Variants in TAFA5 observed in about 807,000 individuals in gnomAD.
TAFA5 encodes the protein chemokine-like protein TAFA-5.
In TAFA5, 6 loss-of-function variants were observed where a neutral mutation model predicts 15.3. That is an observed-to-expected ratio of 0.39 (90% CI 0.21 to 0.77). The LOEUF is 0.77. Ranked by LOEUF, TAFA5 falls within the 30% of genes least tolerant of loss-of-function variation. The pLI, the probability that TAFA5 is intolerant of heterozygous loss-of-function variation, is 0.41. For missense variants in TAFA5, 161 were observed against 193.1 expected (o/e 0.83, Z 0.98); for synonymous variants, 103 against 80.7 (o/e 1.28, Z -1.48).
chr22:48,539,045 G>C (rs570080806), intron 1 of TAFA5: 18 of 218,668 alleles, frequency 8.2e-5, no homozygotes, highest in African/African-American at 3.1e-4. Context: ...GAGTTCACAG[G>C]GGGTGGGAGC....
At chr22:48,506,741 T>G (rs1052034100) in intron 1 of TAFA5, among the ~76,000 whole-genome samples, 2 of 152,202 alleles carry the variant, frequency 1.3e-5, no homozygotes, top group African/African-American at 2.4e-5. Context: ...CCACGGCCTT[T>G]CCTTAGCAGT....
chr22:48,724,290 G>A (rs1929654292), intron 3 of TAFA5, among the ~76,000 whole-genome samples: 1 of 152,214 alleles, frequency 6.6e-6, no homozygotes, highest in Non-Finnish European at 1.5e-5. Flanking sequence ...TGTAGTCATG[G>A]CCATGTGGCT....
intron 3 of TAFA5, among the ~76,000 whole-genome samples, chr22:48,748,771 C>T (rs559681113): frequency 6.6e-6 from 1 of 152,236 alleles, no homozygotes; most frequent in East Asian, 1.9e-4. Context: ...TTTGGGGAGG[C>T]CCTGCAGTTG....
chr22:48,569,712 G>T (rs1923519464), intron 1 of TAFA5, among the ~76,000 whole-genome samples: 1 of 152,222 alleles, frequency 6.6e-6, no homozygotes, highest in Non-Finnish European at 1.5e-5. Context: ...AGTGCATGCT[G>T]ACCTGACCCA....
chr22:48,516,490 G>T (rs573025873), intron 1 of TAFA5, among the ~76,000 whole-genome samples: 3 of 152,162 alleles, frequency 2.0e-5, no homozygotes, highest in Non-Finnish European at 1.5e-5. Context: ...ATGGGGGCCC[G>T]CCCCCAACTC....
At chr22:48,504,786 C>T (rs181818488) in intron 1 of TAFA5, among the ~76,000 whole-genome samples, 4 of 152,250 alleles carry the variant, frequency 2.6e-5, no homozygotes, top group East Asian at 1.9e-4. Flanking sequence ...TGGGATGGCT[C>T]GCCGAATCCC....
At chr22:48,589,548 A>G (rs1924484530) in intron 1 of TAFA5, among the ~76,000 whole-genome samples, 1 of 152,096 alleles carries the variant, frequency 6.6e-6, no homozygotes, top group Admixed American at 6.6e-5. Flanking sequence ...GTCCCCAAAG[A>G]CAGAGCCACC....
rs551213820 is a variant in TAFA5, at chr22:48,586,939, A to G, written c.113-59658A>G. 2.4e-3 allele frequency among the ~76,000 whole-genome samples: 365 copies of G among 152,340 alleles called. 2 individuals are homozygous for G. Among genetic ancestry groups the G allele is most frequent in the Non-Finnish European group, 3.5e-3 (236 of 68,028 alleles). On this transcript the variant is annotated intron_variant, in intron 1 of 3. Coordinates refer to ENST00000402357, the MANE Select transcript of TAFA5 (RefSeq NM_001082967.3). Reference sequence around the variant, plus strand: ...TGGGCTGTAGTGTGCGGGGCAGCCAAAAGGCACCCTCCGGGTAATCAAGGC... The same window carrying G: ...TGGGCTGTAGTGTGCGGGGCAGCCAGAAGGCACCCTCCGGGTAATCAAGGC...
chr22:48,540,596 CT>C (rs35003128), intron 1 of TAFA5, among the ~76,000 whole-genome samples: 353 of 144,202 alleles, frequency 2.4e-3, no homozygotes, highest in African/African-American at 6.7e-3. Flanking sequence ...AGGAGTTTGC[CT>C]TTTTTTTTTT....
chr22:48,551,851 C>A (rs1353613590), intron 1 of TAFA5, among the ~76,000 whole-genome samples: 2 of 152,202 alleles, frequency 1.3e-5, no homozygotes, highest in East Asian at 3.9e-4. Context: ...CACCTGCTGC[C>A]CCGCGCTTTC....
intron 2 of TAFA5, among the ~76,000 whole-genome samples, chr22:48,665,751 CTT>C (rs1325867431): frequency 6.6e-6 from 1 of 152,202 alleles, no homozygotes; most frequent in African/African-American, 2.4e-5. Flanking sequence ...AGCTAATTAT[CTT>C]TTATGTCTCA....
chr22:48,643,695 C>T (rs1169723095), intron 1 of TAFA5, among the ~76,000 whole-genome samples: 2 of 152,240 alleles, frequency 1.3e-5, no homozygotes, highest in Non-Finnish European at 2.9e-5. Context: ...AGCAGTACCC[C>T]AGCACTGCTG....
intron 1 of TAFA5, among the ~76,000 whole-genome samples, chr22:48,502,722 A>C (rs999969371): frequency 6.6e-6 from 1 of 151,950 alleles, no homozygotes; most frequent in Non-Finnish European, 1.5e-5. Flanking sequence ...TGGTTTTGCC[A>C]TGTTGGCCGG....
rs114626888 is a variant in TAFA5, at chr22:48,732,748, A to G, written c.391-17091A>G. Among the ~76,000 whole-genome samples the G allele has an allele frequency of 3.9e-3, 596 of 152,340 alleles. 3 individuals are homozygous for G. The highest frequency in any genetic ancestry group is 0.013 in the African/African-American group (552 of 41,582). On this transcript the variant is annotated intron_variant, in intron 3 of 3. Coordinates refer to ENST00000402357, the MANE Select transcript of TAFA5 (RefSeq NM_001082967.3). ...TCTCAAACAGCATCGCATGCTACAG[A>G]GAACTCTTTCATGAAAGGAGAGTCA...
intron 2 of TAFA5, among the ~76,000 whole-genome samples, chr22:48,688,164 G>T (rs765051818): frequency 4.0e-5 from 6 of 151,704 alleles, no homozygotes; most frequent in South Asian, 2.1e-4. Context: ...TTGCACTGGC[G>T]CACCCTTCAT....
At chr22:48,631,050 G>C (rs531894691) in intron 1 of TAFA5, among the ~76,000 whole-genome samples, 12 of 152,286 alleles carry the variant, frequency 7.9e-5, no homozygotes, top group African/African-American at 2.9e-4. Context: ...CGTTCTGGAG[G>C]GGGTGTGGCT....
At chr22:48,675,371 G>A (rs1927940137) in intron 2 of TAFA5, among the ~76,000 whole-genome samples, 1 of 152,270 alleles carries the variant, frequency 6.6e-6, no homozygotes. Context: ...GTTGCAGCGG[G>A]AGACAGAGCA....
intron 1 of TAFA5, among the ~76,000 whole-genome samples, chr22:48,514,986 G>A (rs986768543): frequency 1.3e-5 from 2 of 152,290 alleles, no homozygotes; most frequent in African/African-American, 2.4e-5. Context: ...CTCCCAGCCA[G>A]CAAGTGGCTG....
In TAFA5 at chr22:48,552,296, G is replaced by T. The variant is rs1417196074; in HGVS notation, c.112+62592G>T. Among the ~76,000 whole-genome samples the T allele has an allele frequency of 6.6e-6, 1 of 152,170 alleles. No homozygotes were observed. Among genetic ancestry groups the T allele is most frequent in the Non-Finnish European group, 1.5e-5 (1 of 68,028 alleles). ...CCTGGCTGCTGTCACCCAGGAGTTGGGCTCTGGGCAGGGAGGAGGGCTTCC... is the reference window on the plus strand; with the variant it reads ...CCTGGCTGCTGTCACCCAGGAGTTGTGCTCTGGGCAGGGAGGAGGGCTTCC... On this transcript the variant is annotated intron_variant, in intron 1 of 3. Coordinates refer to ENST00000402357, the MANE Select transcript of TAFA5 (RefSeq NM_001082967.3). The surrounding 1 kb of genome is among the most constrained non-coding windows in gnomAD (Gnocchi z 4.1).
Sources: gnomAD v4.1 joint callset for allele counts (sites outside exome capture counted in the v4.1 genomes callset) on GRCh38, gnomAD v4.1.1 for gene constraint, Gnocchi (gnomAD v3.1) non-coding constraint, MANE v1.5 for transcripts, NCBI Gene and HGNC (gene_info 2026-07-23, HGNC 2026-07-21) for gene names.